EBF2: variants seen among roughly 807,000 people sequenced by gnomAD.
EBF2 encodes transcription factor COE2.
EBF2 carries 21 observed loss-of-function variants against 72.8 expected under a neutral mutation model. The observed-to-expected ratio is 0.29, with a 90% CI of 0.20 to 0.42. The LOEUF (loss-of-function observed/expected upper bound fraction) is 0.42. Ranked by LOEUF, EBF2 falls within the 10% of genes least tolerant of loss-of-function variation. The probability of loss-of-function intolerance (pLI) is 1.00; values close to 1 mark genes in which losing one functional copy is unlikely to be tolerated. For missense variants in EBF2, 637 were observed against 731.2 expected (o/e 0.87, Z 1.49); for synonymous variants, 299 against 274.2 (o/e 1.09, Z -0.89).
At chr8:25,964,103 C>T (rs568342722) in intron 6 of EBF2, among the ~76,000 whole-genome samples, 27 of 152,130 alleles carry the variant, frequency 1.8e-4, no homozygotes, top group Non-Finnish European at 3.1e-4. Flanking sequence ...ACAGGCATAC[C>T]CCGCACCTAA....
chr8:25,999,641 T>TG (rs1462139082), intron 6 of EBF2, among the ~76,000 whole-genome samples: 3 of 151,532 alleles, frequency 2.0e-5, no homozygotes, highest in African/African-American at 7.2e-5. Context: ...CTTTCCTCTT[T>TG]TTTTTTTTTT....
Position 25,845,714 on chromosome 8 carries a change from C to T in EBF2, c.1697-1074G>A, listed in dbSNP as rs188993742. 1.5e-4 allele frequency among the ~76,000 whole-genome samples: 23 copies of T among 152,314 alleles called. No homozygotes were observed. The South Asian group carries it at 3.3e-3, about 22-fold the overall frequency. On this transcript the variant is annotated intron_variant, in intron 15 of 15. Transcript: ENST00000520164. ...CCACAGCAAAATGTATTCCTCCTGCCTTGGCTTTCAGAGGATAAGCCCGTG... is the reference window on the plus strand; with the variant it reads ...CCACAGCAAAATGTATTCCTCCTGCTTTGGCTTTCAGAGGATAAGCCCGTG...
chr8:25,950,694 G>A (rs1193198000), intron 6 of EBF2, among the ~76,000 whole-genome samples: 1 of 152,194 alleles, frequency 6.6e-6, no homozygotes, highest in Non-Finnish European at 1.5e-5. Flanking sequence ...AGGGTCAAAG[G>A]TTTCCCCTAG....
intron 6 of EBF2, among the ~76,000 whole-genome samples, chr8:25,954,699 C>A (rs1344929554): frequency 1.3e-5 from 2 of 152,192 alleles, no homozygotes; most frequent in African/African-American, 4.8e-5. Flanking sequence ...ACCGCCCCCG[C>A]CCCTTCCCCC....
At chr8:25,866,151 G>C (rs1257787785) in intron 10 of EBF2, among the ~76,000 whole-genome samples, 1 of 150,948 alleles carries the variant, frequency 6.6e-6, no homozygotes, top group Non-Finnish European at 1.5e-5. Flanking sequence ...TGATCATTTT[G>C]TCTCCTTTTG....
chr8:25,904,946 T>G (rs1490764995), intron 7 of EBF2, among the ~76,000 whole-genome samples: 1 of 152,126 alleles, frequency 6.6e-6, no homozygotes, highest in African/African-American at 2.4e-5. Context: ...AATCACATGT[T>G]TGAGAAGGAG....
intron 6 of EBF2, among the ~76,000 whole-genome samples, chr8:25,979,568 A>G (rs537791861): frequency 3.9e-5 from 6 of 152,360 alleles, no homozygotes; most frequent in Admixed American, 3.9e-4. Context: ...ATATCTCCCA[A>G]ACTTACAAAT....
intron 6 of EBF2, among the ~76,000 whole-genome samples, chr8:25,913,898 A>G (rs964158297): frequency 3.9e-5 from 6 of 152,178 alleles, no homozygotes; most frequent in African/African-American, 1.4e-4. Flanking sequence ...TTAAAATACA[A>G]TTGAGTTTCA....
intron 6 of EBF2, among the ~76,000 whole-genome samples, chr8:25,956,698 G>C (rs1241951828): frequency 6.6e-6 from 1 of 152,214 alleles, no homozygotes; most frequent in East Asian, 1.9e-4. Context: ...AATCAGCAGA[G>C]AAAGTAGATG....
intron 6 of EBF2, among the ~76,000 whole-genome samples, chr8:25,930,389 C>T (rs1043040277): frequency 6.6e-6 from 1 of 152,176 alleles, no homozygotes; most frequent in Non-Finnish European, 1.5e-5. Context: ...GAGCCTCACT[C>T]ATATCTATCT....
At chr8:25,860,186 C>A (rs1563378579) in intron 13 of EBF2, among the ~76,000 whole-genome samples, 2 of 152,080 alleles carry the variant, frequency 1.3e-5, no homozygotes, top group East Asian at 1.9e-4. Flanking sequence ...AATAATCAAT[C>A]TCAATGCAAA....
At chr8:26,040,532 G>A in intron 4 of EBF2, 84 bp downstream of exon 4, 2 of 1,301,140 alleles carry the variant, frequency 1.5e-6, no homozygotes, top group Non-Finnish European at 2.1e-6. Flanking sequence ...AATCGTGGAG[G>A]AGGGGCAGGT....
intron 10 of EBF2, among the ~76,000 whole-genome samples, chr8:25,884,078 A>G (rs1330758431): frequency 6.6e-6 from 1 of 152,070 alleles, no homozygotes; most frequent in Admixed American, 6.5e-5. Context: ...CCTCTGCTCA[A>G]CATCTTCCAC....
At chr8:26,020,140 G>T (rs984012177) in intron 6 of EBF2, among the ~76,000 whole-genome samples, 1 of 152,196 alleles carries the variant, frequency 6.6e-6, no homozygotes, top group Non-Finnish European at 1.5e-5. Context: ...CAGTCTCAGT[G>T]ATGGGAATTA....
chr8:25,883,621 C>A (rs1802638962), intron 10 of EBF2, among the ~76,000 whole-genome samples: 1 of 152,028 alleles, frequency 6.6e-6, no homozygotes, highest in African/African-American at 2.4e-5. Flanking sequence ...AGGGTGAGGA[C>A]CTCTTTTACA....
At chr8:25,885,286 G>T (rs766723194) in intron 10 of EBF2, among the ~76,000 whole-genome samples, 4 of 151,788 alleles carry the variant, frequency 2.6e-5, no homozygotes, top group Non-Finnish European at 5.9e-5. Flanking sequence ...TTTTAAGTGT[G>T]CAGCTCATTT....
At chr8:25,876,541 C>T (rs945664349) in intron 10 of EBF2, among the ~76,000 whole-genome samples, 5 of 152,192 alleles carry the variant, frequency 3.3e-5, no homozygotes, top group African/African-American at 9.7e-5. Context: ...GGTAAGGCGT[C>T]TTCTGAGACC....
chr8:25,846,868 A>G (rs577232074), intron 15 of EBF2, among the ~76,000 whole-genome samples: 1 of 152,280 alleles, frequency 6.6e-6, no homozygotes, highest in East Asian at 1.9e-4. Context: ...GATCTCTGCT[A>G]GGTGGAAACT....
chr8:25,944,219 T>C (rs548732378), intron 6 of EBF2, among the ~76,000 whole-genome samples: 2 of 152,336 alleles, frequency 1.3e-5, no homozygotes, highest in South Asian at 2.1e-4. Flanking sequence ...ACATAGATGA[T>C]AGCAAGCTAG....
Sources: gnomAD v4.1 joint callset for allele counts (sites outside exome capture counted in the v4.1 genomes callset) on GRCh38, gnomAD v4.1.1 for gene constraint, MANE v1.5 for transcripts, NCBI Gene and HGNC (gene_info 2026-07-23, HGNC 2026-07-21) for gene names.